PRP4K: variants seen among roughly 807,000 people sequenced by gnomAD.
The protein encoded by PRP4K is serine/threonine-protein kinase PRP4 homolog.
chr6:4,040,681 A>G, the PRP4K span: 1 of 1,324,284 alleles, frequency 7.6e-7, no homozygotes, highest in Non-Finnish European at 1.0e-6. Context: ...TAGAAAGTAG[A>G]ATTTCTATAT....
the PRP4K span, among the ~76,000 whole-genome samples, chr6:4,024,966 A>G: frequency 3.3e-5 from 5 of 152,198 alleles, no homozygotes; most frequent in Non-Finnish European, 7.4e-5. Flanking sequence ...GCCTCAAGAC[A>G]TGGGTTTTTT....
chr6:4,021,435 G>T, the PRP4K span: 1 of 1,585,294 alleles, frequency 6.3e-7, no homozygotes, highest in Non-Finnish European at 8.6e-7. Flanking sequence ...GATGGCCGCC[G>T]CGGAGACCCA....
the PRP4K span, chr6:4,056,230 T>C: frequency 1.2e-6 from 1 of 843,824 alleles, no homozygotes; most frequent in East Asian, 2.7e-5. Flanking sequence ...AGTATTGGAA[T>C]TAATAAAACT....
chr6:4,045,689 A>G, the PRP4K span, among the ~76,000 whole-genome samples: 2 of 152,210 alleles, frequency 1.3e-5, no homozygotes, highest in African/African-American at 2.4e-5. Context: ...ACTTATACAC[A>G]TTAGATATCA....
chr6:4,041,693 T>G, the PRP4K span, among the ~76,000 whole-genome samples: 12 of 152,198 alleles, frequency 7.9e-5, no homozygotes, highest in African/African-American at 2.9e-4. Context: ...CTTGTGATTG[T>G]TGGCTAGAGG....
At chr6:4,053,903 T>TG in the PRP4K span, among the ~76,000 whole-genome samples, 1 of 149,392 alleles carries the variant, frequency 6.7e-6, no homozygotes, top group African/African-American at 2.5e-5. Context: ...TCTTTTGTTT[T>TG]TTTTGTTTTG....
the PRP4K span, among the ~76,000 whole-genome samples, chr6:4,028,984 T>C: frequency 6.6e-6 from 1 of 151,544 alleles, no homozygotes; most frequent in Non-Finnish European, 1.5e-5. Flanking sequence ...ATTATCTTGT[T>C]ATCTCCTGGA....
chr6:4,060,058 A>G, the PRP4K span, among the ~76,000 whole-genome samples: 2 of 152,254 alleles, frequency 1.3e-5, no homozygotes, highest in Non-Finnish European at 2.9e-5. The surrounding 1 kb of genome is among the most constrained non-coding windows in gnomAD (Gnocchi z 4.7). Context: ...TGATACAGTC[A>G]TGCGTCACAT....
At chr6:4,060,854 G>A in the PRP4K span, 1 of 507,852 alleles carries the variant, frequency 2.0e-6, no homozygotes, top group Admixed American at 3.6e-5. This position sits in a 1 kb window ranked among gnomAD's most constrained non-coding sequence, Gnocchi z 4.7. Context: ...CAAAATTACA[G>A]TGCTAATGTA....
the PRP4K span, chr6:4,047,277 C>CAAA: frequency 1.3e-6 from 2 of 1,492,196 alleles, no homozygotes; most frequent in Non-Finnish European, 1.8e-6. Context: ...AGTGTTAAAA[C>CAAA]AAAAAAAAAT....
chr6:4,043,651 A>ACAT, the PRP4K span, among the ~76,000 whole-genome samples: 3 of 152,194 alleles, frequency 2.0e-5, no homozygotes, highest in Non-Finnish European at 4.4e-5. Flanking sequence ...TTTAGAAATT[A>ACAT]CATAAGGGAT....
At chr6:4,049,296 A>G in the PRP4K span, 2 of 566,074 alleles carry the variant, frequency 3.5e-6, no homozygotes, top group South Asian at 4.9e-5. Flanking sequence ...AACATCACAA[A>G]TGGAGTGAGG....
At chr6:4,045,804 T>C in the PRP4K span, among the ~76,000 whole-genome samples, 1 of 152,244 alleles carries the variant, frequency 6.6e-6, no homozygotes, top group Non-Finnish European at 1.5e-5. Flanking sequence ...TCTTTTAAAA[T>C]CATTTGAAAT....
the PRP4K span, chr6:4,032,473 C>T: frequency 1.9e-6 from 3 of 1,614,052 alleles, no homozygotes; most frequent in Non-Finnish European, 2.5e-6. Context: ...CGGTCTGAAA[C>T]TGATAAAGAA....
the PRP4K span, among the ~76,000 whole-genome samples, chr6:4,034,437 C>CA: frequency 6.0e-4 from 91 of 152,220 alleles, no homozygotes; most frequent in African/African-American, 2.1e-3. Context: ...TGCAAAGTCT[C>CA]AGAGTATGTA....
the PRP4K span, among the ~76,000 whole-genome samples, chr6:4,035,927 T>C: frequency 6.6e-6 from 1 of 152,132 alleles, no homozygotes; most frequent in East Asian, 1.9e-4. Flanking sequence ...GTCACACCAT[T>C]GCACTACAGC....
At chr6:4,026,645 T>C in the PRP4K span, among the ~76,000 whole-genome samples, 1 of 152,186 alleles carries the variant, frequency 6.6e-6, no homozygotes, top group South Asian at 2.1e-4. Context: ...CAATACTTAC[T>C]GAGCACCTGC....
At chr6:4,063,636 G>T in the PRP4K span, 1 of 151,892 alleles carries the variant, frequency 6.6e-6, no homozygotes, top group African/African-American at 2.4e-5. Context: ...AAGATACTCT[G>T]GGTTTTTTAT....
the PRP4K span, among the ~76,000 whole-genome samples, chr6:4,045,684 T>C: frequency 9.2e-5 from 14 of 152,368 alleles, no homozygotes; most frequent in Admixed American, 6.5e-4. Flanking sequence ...TTGAAACTTA[T>C]ACACATTAGA....
Sources: allele counts gnomAD v4.1 joint callset (sites outside exome capture counted in the v4.1 genomes callset), GRCh38; gene constraint gnomAD v4.1.1; non-coding constraint Gnocchi (gnomAD v3.1); transcripts MANE v1.5; gene names NCBI Gene and HGNC (gene_info 2026-07-23, HGNC 2026-07-21).